The following GLT8D2 variants were observed in gnomAD, a reference collection of about 807,000 sequenced individuals.
GLT8D2 encodes the protein glycosyltransferase 8 domain-containing protein 2.
In GLT8D2, 45 loss-of-function variants were observed where a neutral mutation model predicts 44.5. That is an observed-to-expected ratio of 1.01 (90% confidence interval 0.80 to 1.30). GLT8D2 has a LOEUF of 1.30. Among genes scored for constraint, GLT8D2 ranks in the 50% most tolerant of loss-of-function variants. The probability of loss-of-function intolerance (pLI) is 0.00; values close to 1 mark genes in which losing one functional copy is unlikely to be tolerated. For missense variants in GLT8D2, 400 were observed against 430.4 expected, an observed-to-expected ratio of 0.93 and a Z score of 0.62; for synonymous variants, 156 against 157.2, an observed-to-expected ratio of 0.99 and a Z score of 0.06.
At chr12:104,030,546 A>G (rs1256602097) in intron 1 of GLT8D2, among the ~76,000 whole-genome samples, 1 of 152,172 alleles carries the variant, frequency 6.6e-6, no homozygotes, top group Non-Finnish European at 1.5e-5. Flanking sequence ...GTGGGACTAC[A>G]TCAAACTAAA....
chr12:104,022,023 AAAG>A lies in GLT8D2; in HGVS notation c.-163-535_-163-533del, dbSNP rs1233673108. Among the ~76,000 whole-genome samples the A allele has an allele frequency of 1.8e-4, 5 of 27,348 alleles. 2 individuals are homozygous for A. The highest frequency in any genetic ancestry group is 8.8e-4 in the Admixed American group (2 of 2,274). The allele number at this position is 27,348 out of a possible 152,430, so 17.9% of individuals were successfully genotyped here. A position where few individuals can be genotyped will look rare whatever the true frequency, so the allele number is the denominator to read the frequency against. On this transcript the variant is annotated intron_variant, in intron 1 of 10. Coordinates refer to ENST00000360814, the MANE Select transcript of GLT8D2 (RefSeq NM_001384711.1). ...AGAAGAAGAAGAAGAAGAAGAAGAA[AAAG>A]AAGAAGAAGAAGAAGAAGAAGAAGA... is the stretch of plus-strand genomic sequence containing the variant.
chr12:104,064,324 T>TA, upstream of GLT8D2: 1 of 429,876 alleles, frequency 2.3e-6, no homozygotes, highest in South Asian at 5.5e-5. This position sits in a 1 kb window ranked among gnomAD's most constrained non-coding sequence, Gnocchi z 7.3. Context: ...CCTTCCACCC[T>TA]AAGGTGCGTT....
At chr12:103,996,442 T>G (rs1391232545) in intron 8 of GLT8D2, among the ~76,000 whole-genome samples, 3 of 152,206 alleles carry the variant, frequency 2.0e-5, no homozygotes, top group Non-Finnish European at 2.9e-5. Flanking sequence ...GGACACCATG[T>G]TATTTCATTA....
chr12:104,041,210 T>C lies in GLT8D2; in HGVS notation c.-164+8685A>G, dbSNP rs1880512009. Among the ~76,000 whole-genome samples, 4 of 152,100 alleles carry C rather than the reference T, an allele frequency of 2.6e-5. No homozygotes were observed. In the South Asian group the frequency reaches 8.3e-4, roughly 32 times the overall value. On this transcript the variant is annotated intron_variant, in intron 1 of 10. Coordinates refer to ENST00000360814, the MANE Select transcript of GLT8D2 (RefSeq NM_001384711.1). ...GGGTGGATCATCTGGGGTCAGGAGTTCGAGACCAGCCTGGCCAACATGGTA... is the reference window on the plus strand; with the variant it reads ...GGGTGGATCATCTGGGGTCAGGAGTCCGAGACCAGCCTGGCCAACATGGTA...
At chr12:104,051,197 T>G (rs1427069233), upstream of GLT8D2, among the ~76,000 whole-genome samples, 1 of 152,008 alleles carries the variant, frequency 6.6e-6, no homozygotes, top group Non-Finnish European at 1.5e-5. Context: ...CACAGCTCAC[T>G]GCAGCCGTGA....
chr12:104,061,955 C>T (rs1456077484), intron 1 of GLT8D2, among the ~76,000 whole-genome samples: 2 of 108,526 alleles, frequency 1.8e-5, no homozygotes, highest in Admixed American at 2.1e-4. Context: ...CCAGCCTGGG[C>T]AACAAGAGCA....
At chr12:103,999,561 C>T in intron 5 of GLT8D2, 47 bp from the exon 6 acceptor site, 1 of 1,100,042 alleles carries the variant, frequency 9.1e-7, no homozygotes, top group Non-Finnish European at 1.4e-6. Context: ...TCAATTCTTT[C>T]CTCCATTTGC....
chr12:104,013,143 G>A (rs1453097593), intron 4 of GLT8D2, among the ~76,000 whole-genome samples: 2 of 152,178 alleles, frequency 1.3e-5, no homozygotes, highest in African/African-American at 2.4e-5. Context: ...TTATAGAATT[G>A]CACAACCATC....
intron 1 of GLT8D2, among the ~76,000 whole-genome samples, chr12:104,062,989 T>C (rs147797133): frequency 1.3e-5 from 2 of 152,112 alleles, no homozygotes; most frequent in East Asian, 3.9e-4. Flanking sequence ...GAACTGCCCA[T>C]AGGAGGGATC....
At chr12:104,019,289 G>A (rs1241473042) in intron 3 of GLT8D2, among the ~76,000 whole-genome samples, 2 of 151,742 alleles carry the variant, frequency 1.3e-5, no homozygotes, top group Non-Finnish European at 2.9e-5. Flanking sequence ...CACCATGCCT[G>A]GCTAATTTTT....
rs191158750 is a variant in GLT8D2, at chr12:104,000,035, C to T, written c.285-521G>A. 1.5e-4 allele frequency among the ~76,000 whole-genome samples: 23 copies of T among 152,192 alleles called. No homozygotes were observed. The East Asian group carries it at 3.9e-3, about 26-fold the overall frequency. The stretch of plus-strand genomic sequence containing the variant: ...CTTCGTTCCCCTTCTTCTCTTCCCC[C>T]TCCCTCTCCCCTTCTGTTTTCTTGG... On this transcript the variant is annotated intron_variant, in intron 5 of 10. Coordinates refer to ENST00000360814, the MANE Select transcript of GLT8D2 (RefSeq NM_001384711.1).
Position 104,030,669 on chromosome 12 carries a change from A to C in GLT8D2, c.-163-9178T>G. 5 of 1,503,988 alleles carry C rather than the reference A, an allele frequency of 3.3e-6. No homozygotes were observed. In the South Asian group the frequency reaches 4.7e-5, roughly 14 times the overall value. The allele number at this position is 1,503,988 out of a possible 1,614,324, so 93.2% of individuals were successfully genotyped here. On this transcript the variant is annotated intron_variant, in intron 1 of 10. Transcript: ENST00000360814. ...AAGAAGTTAATATCCAAAATATATA[A>C]GAAACTCATACAACTCAATAGCAAA... is the stretch of plus-strand genomic sequence containing the variant.
intron 3 of GLT8D2, among the ~76,000 whole-genome samples, 197 bp downstream of exon 3, chr12:104,019,433 G>A (rs1032259287): frequency 6.6e-6 from 1 of 151,958 alleles, no homozygotes; most frequent in African/African-American, 2.4e-5. Flanking sequence ...CAGCCGATAA[G>A]TCCACTTCTG....
At position 103,990,207 on chromosome 12, in the gene GLT8D2, C is replaced by T. The variant is rs987421185; in HGVS notation, c.881-630G>A. Among the ~76,000 whole-genome samples, 9 of 149,604 alleles carry T rather than the reference C, an allele frequency of 6.0e-5. 1 individual carries two copies. In the South Asian group the frequency reaches 1.7e-3, roughly 28 times the overall value. On this transcript the variant is annotated intron_variant, in intron 10 of 10. Coordinates refer to ENST00000360814, the MANE Select transcript of GLT8D2 (RefSeq NM_001384711.1). ...CCTTTTCAATTTTGATAGAGATTGC[C>T]GCATTGTCCCCCAAGAAGTTCTATT...
At chr12:103,994,887 T>C (rs531931344) in intron 8 of GLT8D2, among the ~76,000 whole-genome samples, 6 of 152,272 alleles carry the variant, frequency 3.9e-5, no homozygotes, top group South Asian at 2.1e-4. Context: ...ATCCCAAAAT[T>C]GATCCCAATC....
intron 1 of GLT8D2, among the ~76,000 whole-genome samples, chr12:104,024,241 A>AG (rs916478671): frequency 6.6e-6 from 1 of 152,182 alleles, no homozygotes; most frequent in Non-Finnish European, 1.5e-5. Flanking sequence ...AAAACAAACA[A>AG]AAAAACCCTC....
chr12:104,016,812 AAAGAAAG>A, intron 3 of GLT8D2, among the ~76,000 whole-genome samples: 1 of 147,520 alleles, frequency 6.8e-6, no homozygotes, highest in African/African-American at 2.5e-5. Flanking sequence ...GGAAGGAAAG[AAAGAAAG>A]AGAAAGAAAA....
intron 5 of GLT8D2, among the ~76,000 whole-genome samples, chr12:104,002,771 C>T (rs1039450620): frequency 6.6e-6 from 1 of 152,022 alleles, no homozygotes; most frequent in Non-Finnish European, 1.5e-5. Flanking sequence ...AAGAGAGACT[C>T]GCTCTCCACA....
At chr12:104,012,796 G>T (rs1028966443) in intron 4 of GLT8D2, 7 of 698,520 alleles carry the variant, frequency 1.0e-5, no homozygotes, top group Non-Finnish European at 1.8e-5. Context: ...GAAGCCATTT[G>T]GTAGGCCTTA....
Sources: gnomAD v4.1 joint callset for allele counts (sites outside exome capture counted in the v4.1 genomes callset) on GRCh38, gnomAD v4.1.1 for gene constraint, Gnocchi (gnomAD v3.1) non-coding constraint, MANE v1.5 for transcripts, NCBI Gene and HGNC (gene_info 2026-07-23, HGNC 2026-07-21) for gene names.